The following PSMA1 variants were observed in gnomAD, a reference collection of about 807,000 sequenced individuals.
PSMA1 encodes the protein proteasome subunit alpha type-1.
Under a neutral mutation model 38.4 loss-of-function variants are expected in PSMA1, and 3 were observed. The observed-to-expected ratio is 0.08, with a 90% confidence interval of 0.04 to 0.20. The LOEUF (loss-of-function observed/expected upper bound fraction) is 0.20, where lower values mean the gene tolerates loss of function less well. Ranked by LOEUF, PSMA1 falls within the 10% of genes least tolerant of loss-of-function variation. The pLI is 1.00. For missense variants in PSMA1, 227 were observed against 325.3 expected (o/e 0.70, Z 2.32); for synonymous variants, 101 against 107.1 (o/e 0.94, Z 0.35).
upstream of PSMA1, among the ~76,000 whole-genome samples, chr11:14,524,311 C>A (rs182342204): frequency 3.8e-3 from 585 of 152,088 alleles, 5 homozygotes; most frequent in African/African-American, 0.013. Flanking sequence ...GTGACCTGCA[C>A]GTATACATCC....
chr11:14,629,229 T>G (rs1326693211), intron 1 of PSMA1, among the ~76,000 whole-genome samples: 2 of 152,106 alleles, frequency 1.3e-5, no homozygotes, highest in Non-Finnish European at 2.9e-5. Context: ...GTTTTAGACA[T>G]GAAGTCCTTG....
At chr11:14,520,498 G>C, upstream of PSMA1, 2 of 1,442,106 alleles carry the variant, frequency 1.4e-6, no homozygotes, top group Non-Finnish European at 1.8e-6. Flanking sequence ...GCTCGGCGGC[G>C]GGCGGAGCCT....
In PSMA1 at chr11:14,513,804, T is replaced by A; in HGVS notation, c.414+13A>T. ...AAAAATCATTAACATATAACAATAT[T>A]CAATGAACTTACATCATAACCAGCA... is the stretch of plus-strand genomic sequence containing the variant. On this transcript the variant is annotated intron_variant, in intron 6 of 9. Transcript: ENST00000396394. 6.4e-7 allele frequency: 1 copy of A among 1,573,552 alleles called. No homozygotes were observed. The highest frequency in any genetic ancestry group is 8.6e-7 in the Non-Finnish European group (1 of 1,167,150).
intron 2 of PSMA1, among the ~76,000 whole-genome samples, chr11:14,557,442 C>G (rs1208019397): frequency 6.6e-6 from 1 of 152,104 alleles, no homozygotes; most frequent in South Asian, 2.1e-4. Context: ...CGGGGTTTCA[C>G]CATGTTGGCC....
At chr11:14,621,332 G>A (rs1335865242) in intron 1 of PSMA1, among the ~76,000 whole-genome samples, 1 of 151,676 alleles carries the variant, frequency 6.6e-6, no homozygotes, top group Non-Finnish European at 1.5e-5. Context: ...CTGGAGTGCA[G>A]TAGCACCATC....
chr11:14,508,372 G>T (rs1851281610), intron 8 of PSMA1, among the ~76,000 whole-genome samples: 1 of 151,678 alleles, frequency 6.6e-6, no homozygotes, highest in East Asian at 1.9e-4. Context: ...ACTTCCTAAG[G>T]CCAACCCTTC....
intron 2 of PSMA1, chr11:14,610,877 TC>T: frequency 7.5e-7 from 1 of 1,332,852 alleles, no homozygotes; most frequent in Non-Finnish European, 1.1e-6. Flanking sequence ...TCTCACATGC[TC>T]CTCTAGGTTT....
At chr11:14,630,843 T>G (rs1296073121) in intron 1 of PSMA1, among the ~76,000 whole-genome samples, 3 of 152,140 alleles carry the variant, frequency 2.0e-5, no homozygotes, top group Non-Finnish European at 2.9e-5. Flanking sequence ...CAATTTCAGC[T>G]CCTGTTATTG....
intron 1 of PSMA1, among the ~76,000 whole-genome samples, chr11:14,643,232 C>A (rs1001356891): frequency 6.6e-6 from 1 of 151,772 alleles, no homozygotes; most frequent in African/African-American, 2.4e-5. Context: ...CTAGCCACAG[C>A]GATTAGGGTT....
At chr11:14,567,530 T>C (rs1020067452) in intron 2 of PSMA1, among the ~76,000 whole-genome samples, 2 of 152,342 alleles carry the variant, frequency 1.3e-5, no homozygotes, top group African/African-American at 4.8e-5. Context: ...AGAAACTTAG[T>C]ACAGTTCATC....
At chr11:14,554,397 T>A (rs144221436) in intron 2 of PSMA1, among the ~76,000 whole-genome samples, 4 of 152,334 alleles carry the variant, frequency 2.6e-5, no homozygotes, top group African/African-American at 9.6e-5. Flanking sequence ...TTGCCCTAAG[T>A]CCTGAAGGTT....
intron 2 of PSMA1, among the ~76,000 whole-genome samples, chr11:14,573,149 CCTAA>C (rs1344880921): frequency 2.0e-5 from 3 of 152,172 alleles, no homozygotes; most frequent in African/African-American, 7.2e-5. Context: ...GAGAATCCTC[CCTAA>C]CTCATTTTAT....
intron 2 of PSMA1, among the ~76,000 whole-genome samples, chr11:14,589,596 A>C (rs1852388259): frequency 6.6e-6 from 1 of 152,090 alleles, no homozygotes; most frequent in African/African-American, 2.4e-5. Context: ...TACGTGCTTC[A>C]GAAGGAATGT....
intron 2 of PSMA1, among the ~76,000 whole-genome samples, chr11:14,591,644 T>C (rs57401659): frequency 0.13 from 20,011 of 152,152 alleles, 1,536 homozygotes; most frequent in African/African-American, 0.2. Flanking sequence ...ACTCTGTATC[T>C]AGCTGCTCTG....
intron 2 of PSMA1, among the ~76,000 whole-genome samples, chr11:14,530,514 C>T (rs1322383729): frequency 1.3e-5 from 2 of 152,206 alleles, no homozygotes; most frequent in African/African-American, 2.4e-5. Context: ...GTTGTCCTCA[C>T]ATTAAATCAG....
rs1029681243 is a variant in PSMA1 at position 14,587,584 on chromosome 11, G to GT, written c.21+23381dup. ...CAATTTCCCTTCCTCTGAAAGACCT[G>GT]TTTTTTTTTTTTGTCTTTTTTTTTC... On this transcript the variant is annotated intron_variant, in intron 2 of 10. Transcript: ENST00000418988. Among the ~76,000 whole-genome samples, 526 of 139,488 alleles carry GT rather than the reference G, an allele frequency of 3.8e-3. 1 individual carries two copies. Among genetic ancestry groups the GT allele is most frequent in the African/African-American group, 7.1e-3 (270 of 38,038 alleles). 91.5% of individuals were successfully genotyped at this position (139,488 alleles called of 152,430 possible). A position where few individuals can be genotyped will look rare whatever the true frequency, so the allele number is the denominator to read the frequency against.
At chr11:14,639,675 C>T (rs759929566) in intron 1 of PSMA1, among the ~76,000 whole-genome samples, 3 of 152,220 alleles carry the variant, frequency 2.0e-5, no homozygotes, top group Non-Finnish European at 4.4e-5. Flanking sequence ...GTAGTCCCAT[C>T]ATACCTTACA....
At position 14,603,651 on chromosome 11, in the gene PSMA1, A is replaced by G. The variant is rs559346632; in HGVS notation, c.21+7315T>C. On this transcript the variant is annotated intron_variant, in intron 2 of 10. Transcript: ENST00000418988. ...AATATTCCTAGCTAATTATTCAAGTAAGACAAAGATGGAAATTATTAGGCT... is the reference window on the plus strand; with the variant it reads ...AATATTCCTAGCTAATTATTCAAGTGAGACAAAGATGGAAATTATTAGGCT... Among the ~76,000 whole-genome samples the G allele has an allele frequency of 1.6e-3, 239 of 152,354 alleles. 2 individuals are homozygous for G. The highest frequency in any genetic ancestry group is 5.4e-3 in the African/African-American group (226 of 41,584).
At chr11:14,621,829 C>A (rs923854355) in intron 1 of PSMA1, among the ~76,000 whole-genome samples, 5 of 152,148 alleles carry the variant, frequency 3.3e-5, no homozygotes, top group African/African-American at 9.7e-5. Context: ...TAATGTCAAT[C>A]TCTCTATCAT....
Sources: allele counts gnomAD v4.1 joint callset (sites outside exome capture counted in the v4.1 genomes callset), GRCh38; gene constraint gnomAD v4.1.1; transcripts MANE v1.5; gene names NCBI Gene and HGNC (gene_info 2026-07-23, HGNC 2026-07-21).